BLTP3B: variants seen among roughly 807,000 people sequenced by gnomAD.
BLTP3B encodes the protein bridge-like lipid transfer protein family member 3B.
chr12:100,138,862 CACAT>C, the BLTP3B span, among the ~76,000 whole-genome samples: 7 of 140,920 alleles, frequency 5.0e-5, no homozygotes, highest in East Asian at 1.9e-4. Flanking sequence ...TATACACATA[CACAT>C]ACACACACAC....
At chr12:100,097,631 A>C in the BLTP3B span, 8 of 1,072,018 alleles carry the variant, frequency 7.5e-6, no homozygotes, top group Non-Finnish European at 1.0e-5. Flanking sequence ...AGATATATTC[A>C]CCATGTTTTT....
the BLTP3B span, among the ~76,000 whole-genome samples, chr12:100,116,538 C>T: frequency 1.3e-5 from 2 of 150,216 alleles, no homozygotes; most frequent in Non-Finnish European, 3.0e-5. Context: ...CAAAAGTCAA[C>T]ACCCATTCAT....
chr12:100,085,313 T>C, the BLTP3B span, among the ~76,000 whole-genome samples: 1 of 151,502 alleles, frequency 6.6e-6, no homozygotes, highest in African/African-American at 2.4e-5. Flanking sequence ...TAGTGAGCAG[T>C]GATCACACCA....
At chr12:100,087,503 G>A in the BLTP3B span, among the ~76,000 whole-genome samples, 9 of 151,978 alleles carry the variant, frequency 5.9e-5, no homozygotes, top group East Asian at 3.8e-4. Context: ...AATATGATAC[G>A]GTATATACAG....
the BLTP3B span, among the ~76,000 whole-genome samples, chr12:100,097,053 C>T: frequency 2.6e-5 from 4 of 151,874 alleles, no homozygotes; most frequent in African/African-American, 7.3e-5. Flanking sequence ...GTAATCAAGC[C>T]TGGGCAATAT....
the BLTP3B span, among the ~76,000 whole-genome samples, chr12:100,055,530 A>G: frequency 6.6e-6 from 1 of 151,972 alleles, no homozygotes; most frequent in Non-Finnish European, 1.5e-5. Context: ...TACAAAAATT[A>G]GCTAGGCGTG....
the BLTP3B span, chr12:100,058,621 C>T: frequency 6.2e-7 from 1 of 1,614,006 alleles, no homozygotes; most frequent in Non-Finnish European, 8.5e-7. Context: ...CTTTCAGAAA[C>T]AGGAGACTTA....
the BLTP3B span, among the ~76,000 whole-genome samples, chr12:100,104,884 C>CAAAAAAAAAAAAAAAAAAAAAAAAAAAAA: frequency 1.5e-5 from 1 of 66,000 alleles, no homozygotes; most frequent in Admixed American, 2.3e-4. Context: ...ACTGCTACTA[C>CAAAAAAAAAAAAAAAAAAAAAAAAAAAAA]AAAAAAAAAA....
At chr12:100,088,792 T>C in the BLTP3B span, 4 of 775,666 alleles carry the variant, frequency 5.2e-6, no homozygotes, top group East Asian at 9.7e-5. Flanking sequence ...TATATATTCA[T>C]ATGAACACAA....
the BLTP3B span, among the ~76,000 whole-genome samples, chr12:100,112,249 CAAG>C: frequency 9.1e-4 from 138 of 152,218 alleles, no homozygotes; most frequent in African/African-American, 3.1e-3. Flanking sequence ...GAGGCCAAGG[CAAG>C]AAGATCACTT....
the BLTP3B span, among the ~76,000 whole-genome samples, chr12:100,049,464 T>C: frequency 6.6e-6 from 1 of 152,086 alleles, no homozygotes; most frequent in Admixed American, 6.6e-5. Context: ...AGGGAGAGAT[T>C]TGCAAGAAAT....
the BLTP3B span, among the ~76,000 whole-genome samples, chr12:100,140,494 T>C: frequency 6.6e-6 from 1 of 151,082 alleles, no homozygotes; most frequent in Non-Finnish European, 1.5e-5. Flanking sequence ...TCACCTGAGG[T>C]TGGGAGTTTG....
At chr12:100,107,010 C>T in the BLTP3B span, among the ~76,000 whole-genome samples, 153 of 152,034 alleles carry the variant, frequency 1.0e-3, no homozygotes, top group Non-Finnish European at 8.2e-4. Flanking sequence ...AGAGGTCAGC[C>T]GGGCACGGTG....
the BLTP3B span, among the ~76,000 whole-genome samples, chr12:100,131,848 G>A: frequency 6.6e-6 from 1 of 152,086 alleles, no homozygotes; most frequent in Non-Finnish European, 1.5e-5. Context: ...GGAGTCCAGG[G>A]GCACAATCTC....
the BLTP3B span, among the ~76,000 whole-genome samples, chr12:100,124,937 TATATATATATATATATATATA>T: frequency 0.041 from 151 of 3,666 alleles, 2 homozygotes; most frequent in African/African-American, 0.093. Context: ...AAAAAAATTT[TATATATATATATATATATATA>T]TATATATATA....
the BLTP3B span, chr12:100,048,238 A>T: frequency 6.5e-7 from 1 of 1,536,080 alleles, no homozygotes; most frequent in Non-Finnish European, 8.7e-7. Flanking sequence ...AGCATTATTC[A>T]ATAATATTAC....
the BLTP3B span, chr12:100,047,973 T>G: frequency 2.6e-6 from 4 of 1,543,044 alleles, no homozygotes; most frequent in Non-Finnish European, 3.5e-6. Context: ...TAGAAACTTG[T>G]ATCTTCATTG....
the BLTP3B span, among the ~76,000 whole-genome samples, chr12:100,119,151 G>A: frequency 2.0e-5 from 3 of 152,022 alleles, no homozygotes; most frequent in Non-Finnish European, 4.4e-5. Flanking sequence ...GTTTCTATAT[G>A]TAGCAACAAT....
the BLTP3B span, among the ~76,000 whole-genome samples, chr12:100,091,537 C>T: frequency 0.22 from 33,745 of 151,364 alleles, 4,864 homozygotes; most frequent in African/African-American, 0.41. Flanking sequence ...GAGTCTCGCT[C>T]TGTTGCCCAG....
Sources: gnomAD v4.1 joint callset for allele counts (sites outside exome capture counted in the v4.1 genomes callset) on GRCh38, gnomAD v4.1.1 for gene constraint, MANE v1.5 for transcripts, NCBI Gene and HGNC (gene_info 2026-07-23, HGNC 2026-07-21) for gene names.